Variants in HSPG2 observed in about 807,000 individuals in gnomAD.
The protein encoded by HSPG2 is heparan sulfate proteoglycan 2.
Under a neutral mutation model 526.6 loss-of-function variants are expected in HSPG2, and 278 were observed. The ratio of observed to expected loss-of-function variants is 0.53; its 90% CI spans 0.48 to 0.58. The LOEUF (loss-of-function observed/expected upper bound fraction) is 0.58. Ranked by LOEUF, HSPG2 falls within the 20% of genes least tolerant of loss-of-function variation. The pLI is 0.00. For missense variants in HSPG2, 5,354 were observed against 6,099.5 expected (o/e 0.88, Z 4.07); for synonymous variants, 2,465 against 2,555.4 (o/e 0.96, Z 1.07).
At position 21,841,284 on chromosome 1, in the gene HSPG2, C is replaced by A; in HGVS notation, c.9330G>T (p.Gly3110=). The A allele has an allele frequency of 1.2e-6, 2 of 1,613,578 alleles. No homozygotes were observed. Among genetic ancestry groups the A allele is most frequent in the Non-Finnish European group, 1.7e-6 (2 of 1,179,912 alleles). Residue 3110 remains glycine, a splice_region_variant and synonymous_variant, in exon 71 of 97, where the codon GGG becomes GGT. Coordinates refer to ENST00000374695, the MANE Select transcript of HSPG2 (RefSeq NM_005529.7). ...AQSVVNLSVH[G]PPTVSVLPEG... is the part of the protein sequence containing the mutation. ...CGGGGAGCACGGACACTGTAGGGGG[C>A]CCTGTGCGGAGGAATGACAACCACT...
Position 21,864,034 on chromosome 1 carries a change from C to T in HSPG2, c.4740+66G>A, listed in dbSNP as rs935533076. ...CCCCTGGATTGATGCCTGCCTTGTC[C>T]AGCCCTGGTCCCCCACCCAGGCCCA... On this transcript the variant is annotated intron_variant, in intron 37 of 96. Transcript: ENST00000374695. This position sits in a 1 kb window ranked among gnomAD's most constrained non-coding sequence, Gnocchi z 4.8. 1.2e-5 allele frequency: 15 copies of T among 1,254,420 alleles called. No individual in the cohort carries two copies. Among genetic ancestry groups the T allele is most frequent in the Non-Finnish European group, 1.7e-5 (15 of 878,568 alleles). 77.7% of individuals were successfully genotyped at this position (1,254,420 alleles called of 1,614,324 possible).
intron 1 of HSPG2, among the ~76,000 whole-genome samples, chr1:21,936,926 C>T (rs1644503268): frequency 6.6e-6 from 1 of 152,174 alleles, no homozygotes; most frequent in Non-Finnish European, 1.5e-5. Context: ...CACGGGCCAG[C>T]CCCGCCCCCA....
At chr1:21,853,198 G>A (rs1476435075) in intron 50 of HSPG2, 128 bp from the exon 51 acceptor site, 5 of 1,270,156 alleles carry the variant, frequency 3.9e-6, no homozygotes, top group Non-Finnish European at 4.4e-6. Flanking sequence ...CTGGGACTAG[G>A]GCCACACCCT....
chr1:21,903,474 G>A (rs745460305), intron 1 of HSPG2, among the ~76,000 whole-genome samples: 20 of 152,132 alleles, frequency 1.3e-4, no homozygotes, highest in African/African-American at 4.1e-4. Context: ...GGTGGCGTGC[G>A]CCTGTAATCC....
intron 1 of HSPG2, among the ~76,000 whole-genome samples, chr1:21,920,951 G>A (rs551254915): frequency 1.1e-4 from 16 of 152,110 alleles, no homozygotes; most frequent in Admixed American, 2.0e-4. Context: ...CTCCTCCCCC[G>A]GGCAGATCTT....
intron 90 of HSPG2, 45 bp downstream of exon 90, chr1:21,827,985 G>C: frequency 6.2e-7 from 1 of 1,612,814 alleles, no homozygotes; most frequent in Non-Finnish European, 8.5e-7. Flanking sequence ...CGAGCTCCGG[G>C]GCCCCAAGAC....
rs374240456 is a variant in HSPG2, at chr1:21,853,590, CA to C, written c.6440-521del. ...AACCCCGTCTCTACTAAAAAAAATA[CA>C]AAAAATTAGCCGGCCTGGTGGCGGG... is the stretch of plus-strand genomic sequence containing the variant. On this transcript the variant is annotated intron_variant, in intron 50 of 96. Coordinates refer to ENST00000374695, the MANE Select transcript of HSPG2 (RefSeq NM_005529.7). 2.4e-4 allele frequency: 40 copies of C among 168,698 alleles called. 1 individual carries two copies. Among genetic ancestry groups the C allele is most frequent in the African/African-American group, 8.7e-4 (36 of 41,590 alleles). 10.5% of individuals were successfully genotyped at this position (168,698 alleles called of 1,614,324 possible). A position where few individuals can be genotyped will look rare whatever the true frequency, so the allele number is the denominator to read the frequency against.
chr1:21,842,535 T>G (rs2098053221), intron 67 of HSPG2, among the ~76,000 whole-genome samples, 155 bp from the exon 68 acceptor site: 1 of 152,004 alleles, frequency 6.6e-6, no homozygotes, highest in Admixed American at 6.6e-5. Flanking sequence ...ATCCTAGAGG[T>G]CCAACCCACT....
chr1:21,892,310 C>A (rs572664104), intron 3 of HSPG2, among the ~76,000 whole-genome samples: 1 of 152,380 alleles, frequency 6.6e-6, no homozygotes, highest in East Asian at 1.9e-4. Context: ...AGAGTCCCCC[C>A]ACCCAAGCCC....
chr1:21,892,564 G>A (rs998767546), intron 3 of HSPG2, among the ~76,000 whole-genome samples: 1 of 152,224 alleles, frequency 6.6e-6, no homozygotes, highest in African/African-American at 2.4e-5. Flanking sequence ...AGAAGGTGAG[G>A]CCACCTCTAT....
At chr1:21,883,927 G>A (rs542533547) in intron 13 of HSPG2, among the ~76,000 whole-genome samples, 3 of 152,336 alleles carry the variant, frequency 2.0e-5, no homozygotes, top group African/African-American at 7.2e-5. Flanking sequence ...GACCAGGGAG[G>A]CCAAGAGACT....
rs370326184 is a variant in HSPG2 at position 21,880,076 on chromosome 1, T to C, written c.2343+31A>G. The C allele has an allele frequency of 9.7e-5, 156 of 1,612,966 alleles. No homozygotes were observed. In the African/African-American group the frequency reaches 1.8e-3, roughly 19 times the overall value. On this transcript the variant is annotated intron_variant, in intron 17 of 96. Transcript: ENST00000374695. ...TCACACATTGTCCCTTCTCCTATTT[T>C]AGTGTTCAAGTGTCTGCTGGCACTA...
intron 33 of HSPG2, among the ~76,000 whole-genome samples, chr1:21,871,835 G>A (rs914584627): frequency 6.6e-6 from 1 of 152,226 alleles, no homozygotes; most frequent in African/African-American, 2.4e-5. Flanking sequence ...GAGCGGGCAC[G>A]TGAATGACAC....
intron 49 of HSPG2, 95 bp from the exon 50 acceptor site, chr1:21,854,438 C>T: frequency 6.7e-7 from 1 of 1,502,156 alleles, no homozygotes; most frequent in Non-Finnish European, 9.0e-7. Context: ...CTCTCACTGG[C>T]TCTGCTCCGA....
rs901405448 is a variant in HSPG2 at position 21,893,528 on chromosome 1, G to T, written c.244+2394C>A. ...GAGAAAAGGAAGAGTGGGGAGAGAG[G>T]ATGGGGAGGGAGGCAGAGGGAGAGC... On this transcript the variant is annotated intron_variant, in intron 3 of 96. Transcript: ENST00000374695. This position sits in a 1 kb window ranked among gnomAD's most constrained non-coding sequence, Gnocchi z 4.3. 3.3e-5 allele frequency among the ~76,000 whole-genome samples: 5 copies of T among 152,172 alleles called. No homozygotes were observed. Among genetic ancestry groups the T allele is most frequent in the Admixed American group, 6.5e-5 (1 of 15,282 alleles).
Position 21,822,549 on chromosome 1 carries a change from T to G in HSPG2, c.*767A>C. On this transcript the variant is annotated 3_prime_UTR_variant, in exon 97 of 97. Transcript: ENST00000374695. ...GCCTTCACTTCCAGATGGGTGGGGA[T>G]GTGGCCTGGGGTGGGCGGGGCCCGG... 3 of 251,006 alleles carry G rather than the reference T, an allele frequency of 1.2e-5. No individual in the cohort carries two copies. Among genetic ancestry groups the G allele is most frequent in the Non-Finnish European group, 2.4e-5 (3 of 126,382 alleles). 15.5% of individuals were successfully genotyped at this position (251,006 alleles called of 1,614,324 possible). A position where few individuals can be genotyped will look rare whatever the true frequency, so the allele number is the denominator to read the frequency against.
At chr1:21,901,124 C>A (rs1490513848) in intron 1 of HSPG2, among the ~76,000 whole-genome samples, 1 of 152,104 alleles carries the variant, frequency 6.6e-6, no homozygotes, top group Non-Finnish European at 1.5e-5. Flanking sequence ...CAGAACACAT[C>A]TGACTCTGAG....
chr1:21,881,953 A>T (rs919987150), intron 13 of HSPG2, among the ~76,000 whole-genome samples: 4 of 151,624 alleles, frequency 2.6e-5, no homozygotes, highest in African/African-American at 7.3e-5. Flanking sequence ...AAAAAAAAAA[A>T]AAAAAAAAAA....
intron 44 of HSPG2, 48 bp downstream of exon 44, chr1:21,856,967 A>G: frequency 1.3e-6 from 2 of 1,564,614 alleles, no homozygotes; most frequent in African/African-American, 2.7e-5. Context: ...TCTGGTGGGA[A>G]TGGGGGAGAG....
Sources: gnomAD v4.1 joint callset for allele counts (sites outside exome capture counted in the v4.1 genomes callset) on GRCh38, gnomAD v4.1.1 for gene constraint, Gnocchi (gnomAD v3.1) non-coding constraint, MANE v1.5 for transcripts, NCBI Gene and HGNC (gene_info 2026-07-23, HGNC 2026-07-21) for gene names.